Variants in IMMT observed in about 807,000 individuals in gnomAD.
IMMT encodes inner membrane mitochondrial protein, also known as MICOS complex subunit MIC60.
IMMT carries 40 observed loss-of-function variants against 92.7 expected under a neutral mutation model. That is an observed-to-expected ratio of 0.43 (90% CI 0.34 to 0.56). The LOEUF (loss-of-function observed/expected upper bound fraction) is 0.56, where lower values mean the gene tolerates loss of function less well. Among genes scored for constraint, IMMT ranks in the 20% least tolerant of loss-of-function variants. The pLI, the probability that IMMT is intolerant of heterozygous loss-of-function variation, is 0.03. For synonymous variants in IMMT, 322 were observed against 336.1 expected (o/e 0.96, Z 0.46); for missense variants, 831 against 912.1 (o/e 0.91, Z 1.14).
intron 1 of IMMT, among the ~76,000 whole-genome samples, chr2:86,188,337 A>G (rs1672908016): frequency 6.6e-6 from 1 of 152,110 alleles, no homozygotes; most frequent in Non-Finnish European, 1.5e-5. Context: ...CCATCTGTAT[A>G]TCTGCTTTGG....
In IMMT at chr2:86,173,700, G is replaced by A; in HGVS notation, c.371C>T (p.Pro124Leu). 1 of 1,609,064 alleles carries A rather than the reference G, an allele frequency of 6.2e-7. No individual in the cohort carries two copies. The highest frequency in any genetic ancestry group is 8.5e-7 in the Non-Finnish European group (1 of 1,175,696). The change falls in exon 4 of 15, where the codon CCT becomes CTT. Residue 124 changes from proline (P) to leucine (L), a missense_variant. Physicochemically the swap from Pro to Leu is moderately conservative, Grantham distance 98. Coordinates refer to ENST00000410111, the MANE Select transcript of IMMT (RefSeq NM_006839.3). ...VSEVMKESKQ[P>L]ASQLQKQKGD... ...CTTTTGTTTTTGGAGTTGTGAGGCA[G>A]GCTGTTTAGATTCTTTCATTACTTC...
At chr2:86,174,313 G>A (rs1329186914) in intron 3 of IMMT, among the ~76,000 whole-genome samples, 2 of 152,166 alleles carry the variant, frequency 1.3e-5, no homozygotes, top group Non-Finnish European at 2.9e-5. Flanking sequence ...TAAGAGGGCT[G>A]CCAGATATGT....
chr2:86,165,126 T>C (rs1676580045), intron 7 of IMMT, among the ~76,000 whole-genome samples: 3 of 152,224 alleles, frequency 2.0e-5, no homozygotes, highest in Non-Finnish European at 4.4e-5. Flanking sequence ...GATTTTACAC[T>C]GTCTAATCAC....
chr2:86,147,918 CA>C, intron 12 of IMMT, 85 bp from the exon 13 acceptor site: 1 of 1,349,304 alleles, frequency 7.4e-7, no homozygotes, highest in Non-Finnish European at 1.0e-6. Flanking sequence ...TCAACCATGA[CA>C]ACAGCAGCTT....
intron 7 of IMMT, among the ~76,000 whole-genome samples, chr2:86,165,367 T>C (rs893961666): frequency 6.6e-6 from 1 of 152,242 alleles, no homozygotes; most frequent in African/African-American, 2.4e-5. Context: ...TGAACTCTGA[T>C]ATTTAAGTAT....
intron 1 of IMMT, among the ~76,000 whole-genome samples, chr2:86,191,587 A>C (rs1408295867): frequency 6.6e-6 from 1 of 151,736 alleles, no homozygotes; most frequent in Non-Finnish European, 1.5e-5. Flanking sequence ...CAGTCTCCAT[A>C]ACTGTGTGAG....
At chr2:86,161,011 T>C (rs1184975801) in intron 8 of IMMT, among the ~76,000 whole-genome samples, 2 of 151,034 alleles carry the variant, frequency 1.3e-5, no homozygotes, top group African/African-American at 4.9e-5. Context: ...GGCAGGAGGA[T>C]GGCTTGAGCC....
chr2:86,171,064 T>C (rs949041667), intron 5 of IMMT, 144 bp downstream of exon 5: 14 of 799,760 alleles, frequency 1.8e-5, no homozygotes, highest in Admixed American at 8.8e-5. Context: ...CATTCGGACA[T>C]TTAAATTTTA....
Position 86,181,308 on chromosome 2 carries a change from C to T in IMMT, c.110G>A (p.Gly37Asp). 1 of 1,613,062 alleles carries T rather than the reference C, an allele frequency of 6.2e-7. No homozygotes were observed. The highest frequency in any genetic ancestry group is 2.2e-5 in the East Asian group (1 of 44,874). The change falls in exon 2 of 15, where the codon GGC becomes GAC. Residue 37 changes from glycine to aspartate, a missense_variant. Coordinates refer to ENST00000410111, the MANE Select transcript of IMMT (RefSeq NM_006839.3). ...LRPCRRYSTS[G>D]SSGLTTGKIA... ...GAGACATAATACATACCCAGAGCTG[C>T]CTGAAGTAGAGTATCTGCGGCATGG...
chr2:86,152,600 A>C (rs1269435433), intron 11 of IMMT, among the ~76,000 whole-genome samples: 1 of 151,872 alleles, frequency 6.6e-6, no homozygotes, highest in Admixed American at 6.6e-5. Context: ...GACTCTACTA[A>C]AAATACAAAA....
chr2:86,153,724 C>G (rs1047138912), intron 10 of IMMT, 150 bp from the exon 11 acceptor site: 3 of 459,478 alleles, frequency 6.5e-6, no homozygotes, highest in Non-Finnish European at 1.2e-5. Context: ...TGAAATGATA[C>G]GGCTATTTTC....
intron 7 of IMMT, among the ~76,000 whole-genome samples, chr2:86,162,757 T>C (rs1272695501): frequency 2.0e-5 from 3 of 151,866 alleles, no homozygotes; most frequent in African/African-American, 7.3e-5. Flanking sequence ...AGCAGGAGAA[T>C]TGCTTGAATA....
At chr2:86,158,788 A>T (rs1034229542) in intron 9 of IMMT, 67 bp from the exon 10 acceptor site, 2 of 1,276,660 alleles carry the variant, frequency 1.6e-6, no homozygotes, top group South Asian at 1.4e-5. Context: ...CAAGAAACAG[A>T]AGTAGTATTC....
intron 5 of IMMT, 37 bp downstream of exon 5, chr2:86,171,171 T>G (rs746860899): frequency 9.1e-6 from 14 of 1,531,138 alleles, no homozygotes; most frequent in Non-Finnish European, 2.7e-6. Context: ...GATGAGTGTA[T>G]CATGTATAAA....
chr2:86,186,122 CAA>C (rs941766515), intron 1 of IMMT, among the ~76,000 whole-genome samples: 7 of 151,862 alleles, frequency 4.6e-5, no homozygotes, highest in Admixed American at 6.6e-5. Context: ...TTTAGATCAC[CAA>C]AAAAAGTGTT....
chr2:86,180,431 AATT>A, intron 2 of IMMT, among the ~76,000 whole-genome samples: 1 of 151,732 alleles, frequency 6.6e-6, no homozygotes, highest in South Asian at 2.1e-4. Flanking sequence ...ACGCCCGGCT[AATT>A]TTTTTATTTT....
chr2:86,149,678 G>C (rs2104629934), intron 12 of IMMT, among the ~76,000 whole-genome samples: 1 of 152,156 alleles, frequency 6.6e-6, no homozygotes, highest in Non-Finnish European at 1.5e-5. Flanking sequence ...AGGAGTTCGA[G>C]ACCAGCCTGG....
chr2:86,194,334 G>A (rs1673381814), intron 1 of IMMT, among the ~76,000 whole-genome samples: 1 of 152,176 alleles, frequency 6.6e-6, no homozygotes, highest in South Asian at 2.1e-4. Context: ...GTTTTAAGCT[G>A]CTAAATTTGT....
At chr2:86,195,303 C>T (rs1284248719) in intron 1 of IMMT, 35 bp downstream of exon 1, 2 of 1,521,952 alleles carry the variant, frequency 1.3e-6, no homozygotes, top group African/African-American at 1.4e-5. Context: ...TCTAGTTCAG[C>T]CTCCTCACGC....
Sources: allele counts gnomAD v4.1 joint callset (sites outside exome capture counted in the v4.1 genomes callset), GRCh38; gene constraint gnomAD v4.1.1; transcripts MANE v1.5; gene names NCBI Gene and HGNC (gene_info 2026-07-23, HGNC 2026-07-21).